DIAPH3: variants seen among roughly 807,000 people sequenced by gnomAD.
DIAPH3 encodes diaphanous related formin 3.
Under a neutral mutation model 144.3 loss-of-function variants are expected in DIAPH3, and 117 were observed. The ratio of observed to expected loss-of-function variants is 0.81; its 90% CI spans 0.70 to 0.95. The LOEUF is 0.95. DIAPH3 is among the 40% of genes least tolerant of loss of function. The pLI is 0.00. For missense variants in DIAPH3, 1,421 were observed against 1,412.7 expected, an observed-to-expected ratio of 1.01 and a Z score of -0.09; for synonymous variants, 519 against 488.9, an observed-to-expected ratio of 1.06 and a Z score of -0.81.
intron 1 of DIAPH3, among the ~76,000 whole-genome samples, chr13:60,140,836 A>ATAT (rs33977880): frequency 0.76 from 114,686 of 151,756 alleles, 43,491 homozygotes; most frequent in Admixed American, 0.81. Context: ...CATCTAATAA[A>ATAT]TATGTGCACA....
intron 25 of DIAPH3, among the ~76,000 whole-genome samples, chr13:59,787,909 C>T (rs2039121343): frequency 6.6e-6 from 1 of 152,172 alleles, no homozygotes; most frequent in Non-Finnish European, 1.5e-5. Flanking sequence ...GCCTTTGTCC[C>T]TTCCACAATG....
chr13:59,859,638 A>T (rs1199045330), intron 22 of DIAPH3, among the ~76,000 whole-genome samples: 1 of 152,078 alleles, frequency 6.6e-6, no homozygotes. Flanking sequence ...TATCTATCAA[A>T]CTGATTAATG....
At chr13:59,714,664 C>G (rs1296482972) in intron 27 of DIAPH3, among the ~76,000 whole-genome samples, 1 of 152,136 alleles carries the variant, frequency 6.6e-6, no homozygotes, top group Non-Finnish European at 1.5e-5. Flanking sequence ...CTTCACAATG[C>G]TTCTTCCATC....
chr13:59,814,531 TAAG>T (rs1414331202), intron 24 of DIAPH3, among the ~76,000 whole-genome samples: 1 of 152,206 alleles, frequency 6.6e-6, no homozygotes. Flanking sequence ...TTCTAAATGT[TAAG>T]AAGTAAAAGT....
chr13:59,728,285 T>C (rs779435171), intron 27 of DIAPH3, among the ~76,000 whole-genome samples: 40 of 152,170 alleles, frequency 2.6e-4, no homozygotes, highest in South Asian at 4.1e-4. Flanking sequence ...AGCTTATCTG[T>C]TCCTAAGAAA....
At chr13:60,004,283 T>C (rs188499060) in intron 9 of DIAPH3, among the ~76,000 whole-genome samples, 4 of 152,316 alleles carry the variant, frequency 2.6e-5, no homozygotes, top group African/African-American at 9.6e-5. Context: ...AATAGTTTTA[T>C]AGGAAAATTG....
intron 3 of DIAPH3, among the ~76,000 whole-genome samples, chr13:60,104,566 G>GCAAACACACA (rs1555375781): frequency 6.8e-6 from 1 of 147,026 alleles, no homozygotes; most frequent in South Asian, 2.2e-4. Context: ...CAGTATCAAG[G>GCAAACACACA]CACACACACA....
intron 17 of DIAPH3, among the ~76,000 whole-genome samples, chr13:59,926,602 GAAGC>G (rs2047765728): frequency 1.3e-5 from 2 of 152,138 alleles, no homozygotes; most frequent in Non-Finnish European, 2.9e-5. Context: ...GGACATTAGA[GAAGC>G]AAGCTGTATA....
chr13:59,996,975 T>C (rs2052234123), intron 9 of DIAPH3, among the ~76,000 whole-genome samples: 1 of 152,048 alleles, frequency 6.6e-6, no homozygotes, highest in Non-Finnish European at 1.5e-5. Context: ...TCAACACAAA[T>C]ATGAGAAAAG....
At chr13:59,812,259 TCC>T in intron 24 of DIAPH3, among the ~76,000 whole-genome samples, 1 of 20,942 alleles carries the variant, frequency 4.8e-5, no homozygotes, top group South Asian at 1.8e-3. Context: ...CATCCATCCA[TCC>T]ATCCATCCAT....
chr13:59,911,394 G>A (rs577944998), intron 20 of DIAPH3, among the ~76,000 whole-genome samples: 1 of 152,244 alleles, frequency 6.6e-6, no homozygotes, highest in South Asian at 2.1e-4. Flanking sequence ...AGCTACTCTT[G>A]CAATATGTTG....
At chr13:60,025,841 T>C (rs2054336810) in intron 5 of DIAPH3, among the ~76,000 whole-genome samples, 1 of 151,966 alleles carries the variant, frequency 6.6e-6, no homozygotes, top group South Asian at 2.1e-4. Flanking sequence ...AAAAACTGTG[T>C]GCCATAAACA....
intron 27 of DIAPH3, among the ~76,000 whole-genome samples, chr13:59,693,914 G>GTA (rs2033663393): frequency 6.6e-6 from 1 of 152,064 alleles, no homozygotes; most frequent in Non-Finnish European, 1.5e-5. Flanking sequence ...GACATGTTTA[G>GTA]TATACAACCT....
At chr13:60,128,097 T>C (rs2138197684) in intron 2 of DIAPH3, among the ~76,000 whole-genome samples, 1 of 152,278 alleles carries the variant, frequency 6.6e-6, no homozygotes, top group East Asian at 1.9e-4. Context: ...TGTCTGTTTT[T>C]CCCCTCTTTG....
Position 59,916,220 on chromosome 13 carries a change from A to G in DIAPH3, c.2200T>C (p.Tyr734His). 1.2e-6 allele frequency: 2 copies of G among 1,613,258 alleles called. No homozygotes were observed. Among genetic ancestry groups the G allele is most frequent in the East Asian group, 2.2e-5 (1 of 44,778 alleles). The change falls in exon 19 of 28, where the codon TAT becomes CAT. Residue 734 changes from tyrosine (Y) to histidine (H), a missense_variant. Transcript: ENST00000400324. ...SIFLSSFRVP[Y>H]EEIRMMILEV... Reference sequence around the variant, plus strand: ...AATATCATCATTCTGATTTCCTCATATGGCACCCGAAAAGAGCTCAGGAAG... The same window carrying G: ...AATATCATCATTCTGATTTCCTCATGTGGCACCCGAAAAGAGCTCAGGAAG...
At chr13:59,704,278 T>C (rs1340684041) in intron 27 of DIAPH3, among the ~76,000 whole-genome samples, 1 of 152,222 alleles carries the variant, frequency 6.6e-6, no homozygotes, top group African/African-American at 2.4e-5. Context: ...GCCCTCTGCC[T>C]GGGGCCAAAC....
chr13:59,933,881 A>G (rs2048141796), intron 17 of DIAPH3, among the ~76,000 whole-genome samples: 1 of 152,222 alleles, frequency 6.6e-6, no homozygotes, highest in African/African-American at 2.4e-5. Flanking sequence ...TGTAAAGAAT[A>G]TCATTTCAAA....
intron 27 of DIAPH3, among the ~76,000 whole-genome samples, chr13:59,734,454 A>T (rs925672051): frequency 3.9e-5 from 6 of 152,188 alleles, no homozygotes; most frequent in Non-Finnish European, 8.8e-5. Flanking sequence ...TATTGAATTG[A>T]TGAGTAGATT....
chr13:59,931,210 AC>A, intron 17 of DIAPH3, among the ~76,000 whole-genome samples: 1 of 152,138 alleles, frequency 6.6e-6, no homozygotes, highest in Non-Finnish European at 1.5e-5. Flanking sequence ...GTCGATTCTA[AC>A]TCCAAAATAT....
Sources: gnomAD v4.1 joint callset for allele counts (sites outside exome capture counted in the v4.1 genomes callset) on GRCh38, gnomAD v4.1.1 for gene constraint, MANE v1.5 for transcripts, NCBI Gene and HGNC (gene_info 2026-07-23, HGNC 2026-07-21) for gene names.